Variants in NT5DC3 observed in about 807,000 individuals in gnomAD.
The protein encoded by NT5DC3 is 5'-nucleotidase domain containing 3, also known as 5'-nucleotidase domain-containing protein 3.
In NT5DC3, 42 loss-of-function variants were observed where a neutral mutation model predicts 67.8. That is an observed-to-expected ratio of 0.62 (90% CI 0.48 to 0.80). The LOEUF is 0.80. Among genes scored for constraint, NT5DC3 ranks in the 30% least tolerant of loss-of-function variants. The pLI, the probability that NT5DC3 is intolerant of heterozygous loss-of-function variation, is 0.00. For synonymous variants in NT5DC3, 237 were observed against 255.6 expected (o/e 0.93, Z 0.69); for missense variants, 570 against 696.4 (o/e 0.82, Z 2.04).
chr12:103,750,742 G>T, the NT5DC3 span: 2 of 1,600,882 alleles, frequency 1.2e-6, no homozygotes, highest in Non-Finnish European at 1.7e-6. Flanking sequence ...CAGGGCCTAT[G>T]GCCCAAAGCA....
At chr12:103,757,321 C>T in the NT5DC3 span, among the ~76,000 whole-genome samples, 1 of 152,144 alleles carries the variant, frequency 6.6e-6, no homozygotes, top group African/African-American at 2.4e-5. Flanking sequence ...CTCCTGTGCT[C>T]AAGCTGCTCT....
the NT5DC3 span, among the ~76,000 whole-genome samples, chr12:103,747,995 CAA>C: frequency 3.9e-4 from 38 of 96,724 alleles, no homozygotes; most frequent in East Asian, 6.2e-4. Flanking sequence ...ACTCTGTCTC[CAA>C]AAAAAAAAAA....
the NT5DC3 span, among the ~76,000 whole-genome samples, chr12:103,759,881 G>T: frequency 6.6e-6 from 1 of 152,188 alleles, no homozygotes. Flanking sequence ...CTCATATGGA[G>T]AATAGAGACC....
the NT5DC3 span, among the ~76,000 whole-genome samples, chr12:103,764,483 T>C: frequency 6.6e-6 from 1 of 152,342 alleles, no homozygotes; most frequent in African/African-American, 2.4e-5. Flanking sequence ...GGGGGACCCC[T>C]TGGCAGGGTA....
At chr12:103,835,034 G>C (rs1385528864) in intron 1 of NT5DC3, among the ~76,000 whole-genome samples, 3 of 152,138 alleles carry the variant, frequency 2.0e-5, no homozygotes, top group Non-Finnish European at 4.4e-5. Flanking sequence ...GGGCCTCGCT[G>C]CTTGCCTCCC....
At chr12:103,761,525 G>GAGCGTCC in the NT5DC3 span, 1 of 933,314 alleles carries the variant, frequency 1.1e-6, no homozygotes, top group African/African-American at 1.7e-5. Context: ...GAGACTGGAG[G>GAGCGTCC]AGCCTCCAGC....
At chr12:103,796,230 AC>A (rs1288280558) in intron 6 of NT5DC3, among the ~76,000 whole-genome samples, 1 of 152,076 alleles carries the variant, frequency 6.6e-6, no homozygotes, top group Non-Finnish European at 1.5e-5. Flanking sequence ...ACGAAGAGGC[AC>A]CCTGGCCGGG....
intron 4 of NT5DC3, among the ~76,000 whole-genome samples, chr12:103,799,045 G>A (rs1886445761): frequency 6.6e-6 from 1 of 152,142 alleles, no homozygotes; most frequent in Non-Finnish European, 1.5e-5. Flanking sequence ...ACCTGTTCAA[G>A]CACACCAAAG....
At chr12:103,763,648 G>T in the NT5DC3 span, 1 of 1,540,210 alleles carries the variant, frequency 6.5e-7, no homozygotes, top group Non-Finnish European at 8.9e-7. Context: ...TTCCCTTGGG[G>T]TACAGGGGAA....
intron 5 of NT5DC3, among the ~76,000 whole-genome samples, chr12:103,798,241 C>T (rs1886407449): frequency 1.3e-5 from 2 of 152,192 alleles, no homozygotes; most frequent in African/African-American, 4.8e-5. Context: ...TAGCCATCAA[C>T]TCTGGCATTT....
chr12:103,808,003 A>C (rs1886874452), intron 2 of NT5DC3, among the ~76,000 whole-genome samples: 2 of 152,212 alleles, frequency 1.3e-5, no homozygotes, highest in East Asian at 1.9e-4. Context: ...CTAATACAGC[A>C]GCCCAGTTCC....
downstream of NT5DC3, among the ~76,000 whole-genome samples, chr12:103,765,845 C>T (rs1018290081): frequency 1.3e-5 from 2 of 152,234 alleles, no homozygotes; most frequent in East Asian, 1.9e-4. Flanking sequence ...CCCGGCTGAG[C>T]GGGGTTTCTA....
At chr12:103,768,620 A>AG (rs1885112020), downstream of NT5DC3, among the ~76,000 whole-genome samples, 1 of 62,890 alleles carries the variant, frequency 1.6e-5, no homozygotes, top group Non-Finnish European at 3.2e-5. Flanking sequence ...AGAGGGAGAG[A>AG]GAGGGAGAGG....
intron 9 of NT5DC3, chr12:103,789,121 C>CG: frequency 1.9e-6 from 1 of 517,926 alleles, no homozygotes; most frequent in Non-Finnish European, 3.5e-6. Flanking sequence ...AGGTGTTCCA[C>CG]GAAAAAAAAG....
intron 12 of NT5DC3, 121 bp from the exon 13 acceptor site, chr12:103,780,485 TGGCAC>T: frequency 3.7e-6 from 3 of 813,732 alleles, no homozygotes; most frequent in Non-Finnish European, 4.2e-6. Flanking sequence ...TCTCAGAGGC[TGGCAC>T]CTGAATGAAA....
At chr12:103,826,231 G>A (rs1887689522) in intron 1 of NT5DC3, among the ~76,000 whole-genome samples, 1 of 152,246 alleles carries the variant, frequency 6.6e-6, no homozygotes, top group South Asian at 2.1e-4. Flanking sequence ...AGATGTGGCA[G>A]ACAGAATAAT....
intron 6 of NT5DC3, among the ~76,000 whole-genome samples, chr12:103,795,856 C>G (rs1413924614): frequency 1.3e-5 from 2 of 152,112 alleles, no homozygotes; most frequent in Non-Finnish European, 2.9e-5. Flanking sequence ...TTAACATCTT[C>G]AGTAGGTTCT....
At chr12:103,814,882 G>C (rs1887181423) in intron 2 of NT5DC3, 55 bp downstream of exon 2, 1 of 1,380,356 alleles carries the variant, frequency 7.2e-7, no homozygotes, top group Non-Finnish European at 9.9e-7. Context: ...TCAGCTCAAG[G>C]CTGTTCTAAG....
Position 103,774,016 on chromosome 12 carries a change from T to C in NT5DC3, c.*3813A>G, listed in dbSNP as rs759335924. The C allele has an allele frequency of 1.3e-5, 2 of 152,312 alleles. No homozygotes were observed. Among genetic ancestry groups the C allele is most frequent in the African/African-American group, 4.8e-5 (2 of 41,444 alleles). 9.4% of individuals were successfully genotyped at this position (152,312 alleles called of 1,614,324 possible). A position where few individuals can be genotyped will look rare whatever the true frequency, so the allele number is the denominator to read the frequency against. ...TGTTTTAAAAAACAGACAGGCACTA[T>C]GTTAGGGGGAAAGTGGGAGCTCTAA... is the stretch of plus-strand genomic sequence containing the variant. On this transcript the variant is annotated 3_prime_UTR_variant, in exon 14 of 14. Coordinates refer to ENST00000392876, the MANE Select transcript of NT5DC3 (RefSeq NM_001031701.3).
Sources: allele counts gnomAD v4.1 joint callset (sites outside exome capture counted in the v4.1 genomes callset), GRCh38; gene constraint gnomAD v4.1.1; transcripts MANE v1.5; gene names NCBI Gene and HGNC (gene_info 2026-07-23, HGNC 2026-07-21).